The following CUL1 variants were observed in gnomAD, a reference collection of about 807,000 sequenced individuals.
CUL1 encodes cullin 1, also known as cullin-1.
A neutral mutation model predicts 118.0 loss-of-function variants in CUL1; 24 were observed. The ratio of observed to expected loss-of-function variants is 0.20; its 90% CI spans 0.15 to 0.29. CUL1 has a LOEUF of 0.29. Among genes scored for constraint, CUL1 ranks in the 10% least tolerant of loss-of-function variants. CUL1 has a pLI of 1.00. For missense variants in CUL1, 361 were observed against 933.8 expected (o/e 0.39, Z 7.99); for synonymous variants, 332 against 340.4 (o/e 0.98, Z 0.27).
chr7:148,722,773 C>A (rs549899458), intron 1 of CUL1, among the ~76,000 whole-genome samples: 1 of 152,230 alleles, frequency 6.6e-6, no homozygotes, highest in Non-Finnish European at 1.5e-5. Flanking sequence ...GTGTTTTGTT[C>A]TAGTCATTTG....
intron 2 of CUL1, among the ~76,000 whole-genome samples, chr7:148,733,384 A>G (rs1798829866): frequency 6.6e-6 from 1 of 152,222 alleles, no homozygotes; most frequent in Non-Finnish European, 1.5e-5. Flanking sequence ...GAGAACTGAA[A>G]GAATTTTGAG....
At chr7:148,785,808 G>A (rs1371329954) in intron 11 of CUL1, among the ~76,000 whole-genome samples, 3 of 152,116 alleles carry the variant, frequency 2.0e-5, no homozygotes, top group Non-Finnish European at 2.9e-5. Flanking sequence ...AGTGGAGTCA[G>A]GGAGGCACTA....
chr7:148,798,033 A>G lies in CUL1; in HGVS notation c.2030+14A>G. 6.7e-7 allele frequency: 1 copy of G among 1,491,544 alleles called. No homozygotes were observed. The highest frequency in any genetic ancestry group is 9.3e-7 in the Non-Finnish European group (1 of 1,073,796). 92.4% of individuals were successfully genotyped at this position (1,491,544 alleles called of 1,614,324 possible). On this transcript the variant is annotated intron_variant, in intron 19 of 21. Coordinates refer to ENST00000325222, the MANE Select transcript of CUL1 (RefSeq NM_003592.3). ...TGGTTATAAAAAGTAAGAAAAATCT[A>G]ATAAGTAGATGGCCCTTGACCATAG...
upstream of CUL1, chr7:148,698,339 C>CG (rs1395550263): frequency 6.6e-6 from 1 of 152,442 alleles, no homozygotes; most frequent in African/African-American, 2.4e-5. Flanking sequence ...CCCTCTTCTT[C>CG]GGGGTGCTTC....
At chr7:148,747,836 G>GA (rs1799353799) in intron 2 of CUL1, among the ~76,000 whole-genome samples, 2 of 152,126 alleles carry the variant, frequency 1.3e-5, no homozygotes, top group African/African-American at 4.8e-5. Flanking sequence ...GGCAGATCAG[G>GA]AAAAATTAGA....
In CUL1 at chr7:148,769,397, TCACACACACACACA is replaced by T. The variant is rs55858322; in HGVS notation, c.1083+1687_1083+1700del. Among the ~76,000 whole-genome samples, 262 of 129,106 alleles carry T rather than the reference TCACACACACACACA, an allele frequency of 2.0e-3. 2 individuals are homozygous for T. The highest frequency in any genetic ancestry group is 6.3e-3 in the African/African-American group (213 of 33,876). The allele number at this position is 129,106 out of a possible 152,430, so 84.7% of individuals were successfully genotyped here. On this transcript the variant is annotated intron_variant, in intron 9 of 21. Transcript: ENST00000325222. ...TAAATGTTCCTTTAAAGGGCCTGATTCACACACACACACACACACACACACACACACACACACAC... is the reference window on the plus strand; with the variant it reads ...TAAATGTTCCTTTAAAGGGCCTGATTCACACACACACACACACACACACAC...
intron 1 of CUL1, among the ~76,000 whole-genome samples, chr7:148,699,457 G>A (rs243548): frequency 0.24 from 36,857 of 151,946 alleles, 4,969 homozygotes; most frequent in South Asian, 0.38. Context: ...CGACCTCCGC[G>A]GGACGCCGGG....
intron 1 of CUL1, among the ~76,000 whole-genome samples, chr7:148,726,038 C>T (rs1000849426): frequency 1.3e-5 from 2 of 152,186 alleles, no homozygotes; most frequent in Non-Finnish European, 2.9e-5. Context: ...TGTGATGTGG[C>T]ATAAAGTTAC....
chr7:148,770,167 G>T (rs571341461), intron 9 of CUL1, among the ~76,000 whole-genome samples: 3 of 152,310 alleles, frequency 2.0e-5, no homozygotes, highest in African/African-American at 7.2e-5. Context: ...TTCTCTATTT[G>T]AGGAAGCTTC....
chr7:148,711,511 T>C (rs1798049558), intron 1 of CUL1, among the ~76,000 whole-genome samples: 1 of 152,102 alleles, frequency 6.6e-6, no homozygotes, highest in Non-Finnish European at 1.5e-5. Flanking sequence ...AAATTGTCTT[T>C]AAAACAAAAA....
Position 148,725,196 on chromosome 7 carries a change from T to C in CUL1, c.-161-4766T>C, listed in dbSNP as rs933143347. ...TGGGCATGCAGCGCACATGCGCGCGTGTACACACACACACACGCGCGCGCT... is the reference window on the plus strand; with the variant it reads ...TGGGCATGCAGCGCACATGCGCGCGCGTACACACACACACACGCGCGCGCT... On this transcript the variant is annotated intron_variant, in intron 1 of 21. Transcript: ENST00000325222. Among the ~76,000 whole-genome samples, 14 of 112,922 alleles carry C rather than the reference T, an allele frequency of 1.2e-4. No individual in the cohort carries two copies. In the South Asian group the frequency reaches 1.5e-3, roughly 12 times the overall value. 74.1% of individuals were successfully genotyped at this position (112,922 alleles called of 152,430 possible). A position where few individuals can be genotyped will look rare whatever the true frequency, so the allele number is the denominator to read the frequency against.
At chr7:148,762,592 A>G (rs1270168507) in intron 7 of CUL1, among the ~76,000 whole-genome samples, 1 of 152,250 alleles carries the variant, frequency 6.6e-6, no homozygotes, top group African/African-American at 2.4e-5. Flanking sequence ...GTTTAATATG[A>G]CAGTGTTGTA....
At chr7:148,742,742 C>A (rs1258453124) in intron 2 of CUL1, among the ~76,000 whole-genome samples, 1 of 151,852 alleles carries the variant, frequency 6.6e-6, no homozygotes, top group Non-Finnish European at 1.5e-5. Context: ...GCTGGAATTA[C>A]AGACATGCAC....
At position 148,792,728 on chromosome 7, in the gene CUL1, G is replaced by A. The variant is rs17171113; in HGVS notation, c.1809G>A (p.Ala603=). 4.5e-3 allele frequency: 7,248 copies of A among 1,609,946 alleles called. 269 individuals carry two copies. In the East Asian group the frequency reaches 0.088, roughly 20 times the overall value. The change falls in exon 17 of 22, where the codon GCG becomes GCA. Residue 603 remains alanine, a splice_region_variant and synonymous_variant. Coordinates refer to ENST00000325222, the MANE Select transcript of CUL1 (RefSeq NM_003592.3). ...CTTTTATATGGGGGGCCGCAAAGGC[G>A]TCGACATTCCAGATGGCTATCCTGC... ...NCFKNRYTLQ[A]STFQMAILLQ... is the part of the protein sequence containing the mutation.
intron 17 of CUL1, among the ~76,000 whole-genome samples, chr7:148,793,426 C>T (rs1035349523): frequency 1.3e-5 from 2 of 152,032 alleles, no homozygotes; most frequent in African/African-American, 4.8e-5. Context: ...GTTTTATCAC[C>T]CCAAAAAGAA....
intron 2 of CUL1, among the ~76,000 whole-genome samples, chr7:148,739,977 T>C (rs1412079703): frequency 5.3e-5 from 8 of 152,348 alleles, no homozygotes. Flanking sequence ...AAAAAAACTT[T>C]TCCTCAATGG....
At chr7:148,745,533 G>A (rs1799285629) in intron 2 of CUL1, among the ~76,000 whole-genome samples, 1 of 152,164 alleles carries the variant, frequency 6.6e-6, no homozygotes, top group Admixed American at 6.5e-5. Context: ...TTATTTGCCA[G>A]AAATGTGGTT....
At chr7:148,698,878 C>T (rs1262439184), upstream of CUL1, 3 of 155,142 alleles carry the variant, frequency 1.9e-5, no homozygotes, top group East Asian at 1.9e-4. Context: ...GAGGAGGAGG[C>T]GGGCGCCGTG....
At chr7:148,744,397 AGTGTGTGTGTGTGTGTGTGTGTGTGTGT>A (rs56093418) in intron 2 of CUL1, among the ~76,000 whole-genome samples, 2 of 143,970 alleles carry the variant, frequency 1.4e-5, no homozygotes, top group African/African-American at 5.1e-5. Context: ...TTGTTTCTGC[AGTGTGTGTGTGTGTGTGTGTGTGTGTGT>A]GTGTGTGTGT....
Sources: allele counts gnomAD v4.1 joint callset (sites outside exome capture counted in the v4.1 genomes callset), GRCh38; gene constraint gnomAD v4.1.1; transcripts MANE v1.5; gene names NCBI Gene and HGNC (gene_info 2026-07-23, HGNC 2026-07-21).